NRXN3: variants seen among roughly 807,000 people sequenced by gnomAD.
The protein encoded by NRXN3 is neurexin 3, also known as neurexin III.
In NRXN3, 32 loss-of-function variants were observed where a neutral mutation model predicts 137.6. That is an observed-to-expected ratio of 0.23 (90% CI 0.18 to 0.31). NRXN3 has a LOEUF of 0.31. NRXN3 is among the 10% of genes least tolerant of loss of function. The probability of loss-of-function intolerance (pLI) is 1.00; values close to 1 mark genes in which losing one functional copy is unlikely to be tolerated. For missense variants in NRXN3, 1,574 were observed against 2,062.5 expected (o/e 0.76, Z 4.59); for synonymous variants, 798 against 784.5 (o/e 1.02, Z -0.29).
At chr14:79,737,526 A>G (rs2098946226) in intron 19 of NRXN3, among the ~76,000 whole-genome samples, 1 of 152,208 alleles carries the variant, frequency 6.6e-6, no homozygotes, top group South Asian at 2.1e-4. Flanking sequence ...TGCCTAAGAT[A>G]CTATGTCTCA....
intron 16 of NRXN3, among the ~76,000 whole-genome samples, chr14:79,622,003 A>G (rs949587064): frequency 6.6e-6 from 1 of 152,212 alleles, no homozygotes; most frequent in African/African-American, 2.4e-5. Context: ...TCTGTCAACA[A>G]CTTTAGAGGC....
chr14:78,966,171 T>G lies in NRXN3; in HGVS notation c.2542T>G (p.Leu848Val). 6.2e-7 allele frequency: 1 copy of G among 1,614,192 alleles called. No homozygotes were observed. Among genetic ancestry groups the G allele is most frequent in the Non-Finnish European group, 8.5e-7 (1 of 1,180,026 alleles). The part of the protein sequence containing the change: ...LMFNGLLYID[L>V]CKNGDIDYCE... The stretch of plus-strand genomic sequence containing the variant: ...GTTTAATGGCCTTCTCTACATTGAC[T>G]TGTGCAAAAATGGTGACATTGATTA... Residue 848 changes from leucine to valine, a missense_variant, in exon 12 of 21, where the codon TTG becomes GTG. Coordinates refer to ENST00000335750, the MANE Select transcript of NRXN3 (RefSeq NM_001330195.2).
intron 4 of NRXN3, among the ~76,000 whole-genome samples, chr14:78,352,511 T>C (rs2083677592): frequency 6.6e-6 from 1 of 152,162 alleles, no homozygotes; most frequent in African/African-American, 2.4e-5. Flanking sequence ...GAGCCCACCA[T>C]GACCCCTGGT....
intron 2 of NRXN3, among the ~76,000 whole-genome samples, chr14:78,255,124 G>A (rs1048835256): frequency 6.9e-5 from 10 of 145,550 alleles, no homozygotes; most frequent in East Asian, 2.0e-4. Context: ...AGTCTTGGCC[G>A]TCAGCCATCT....
chr14:79,661,485 G>A (rs1163450843), intron 16 of NRXN3, among the ~76,000 whole-genome samples: 21 of 152,074 alleles, frequency 1.4e-4, no homozygotes, highest in Non-Finnish European at 1.2e-4. Context: ...GTGATAAATG[G>A]AAACTTGAGG....
At chr14:79,648,877 C>T (rs1464900067) in intron 16 of NRXN3, among the ~76,000 whole-genome samples, 4 of 152,156 alleles carry the variant, frequency 2.6e-5, no homozygotes, top group Non-Finnish European at 5.9e-5. Flanking sequence ...AAGCATCATG[C>T]TGTCTGTTAA....
In NRXN3 at chr14:79,864,104, C is replaced by T. The variant is rs956648884; in HGVS notation, c.*2140C>T. On this transcript the variant is annotated 3_prime_UTR_variant, in exon 21 of 21. Coordinates refer to ENST00000335750, the MANE Select transcript of NRXN3 (RefSeq NM_001330195.2). Reference sequence around the variant, plus strand: ...AGCCTATACGAAGTTGATTATATCTCGATGTCTGTAAAAGATTGCTGTTCT... The same window carrying T: ...AGCCTATACGAAGTTGATTATATCTTGATGTCTGTAAAAGATTGCTGTTCT... The T allele has an allele frequency of 2.6e-5, 4 of 152,524 alleles. No homozygotes were observed. Among genetic ancestry groups the T allele is most frequent in the Non-Finnish European group, 4.4e-5 (3 of 68,008 alleles). 9.4% of individuals were successfully genotyped at this position (152,524 alleles called of 1,614,324 possible). A position where few individuals can be genotyped will look rare whatever the true frequency, so the allele number is the denominator to read the frequency against.
chr14:78,173,121 G>T (rs2058895078), intron 1 of NRXN3, among the ~76,000 whole-genome samples: 4 of 152,066 alleles, frequency 2.6e-5, no homozygotes, highest in Non-Finnish European at 4.4e-5. Context: ...GGGGATGAGA[G>T]AATGGTGGGA....
intron 8 of NRXN3, among the ~76,000 whole-genome samples, chr14:78,749,181 A>G (rs528819728): frequency 2.4e-4 from 36 of 152,326 alleles, no homozygotes; most frequent in African/African-American, 7.7e-4. Context: ...TCCTGGCTCT[A>G]CTGTGGGCCT....
At chr14:78,401,898 A>G (rs2092103608) in intron 4 of NRXN3, among the ~76,000 whole-genome samples, 1 of 152,230 alleles carries the variant, frequency 6.6e-6, no homozygotes. Context: ...TGCCTTGACT[A>G]GATCAAACTA....
At chr14:79,129,983 A>G (rs1233530761) in intron 15 of NRXN3, among the ~76,000 whole-genome samples, 1 of 150,316 alleles carries the variant, frequency 6.7e-6, no homozygotes, top group Non-Finnish European at 1.5e-5. Context: ...CTGTTTTATC[A>G]GAGACTAGGA....
intron 16 of NRXN3, among the ~76,000 whole-genome samples, chr14:79,528,697 A>G (rs1275970120): frequency 6.6e-6 from 1 of 152,112 alleles, no homozygotes; most frequent in Non-Finnish European, 1.5e-5. Context: ...CTAAGACTAG[A>G]AAATTATTTA....
At chr14:78,831,792 T>G (rs1485562951) in intron 10 of NRXN3, among the ~76,000 whole-genome samples, 1 of 152,100 alleles carries the variant, frequency 6.6e-6, no homozygotes, top group African/African-American at 2.4e-5. Context: ...GTCGATAAAA[T>G]TGTTCTGTCT....
chr14:79,562,584 C>A (rs1034544022), intron 16 of NRXN3, among the ~76,000 whole-genome samples: 1 of 152,142 alleles, frequency 6.6e-6, no homozygotes, highest in Non-Finnish European at 1.5e-5. Context: ...AGTTTTACAC[C>A]TACATCCCTA....
At chr14:79,123,209 G>A (rs2055766238) in intron 15 of NRXN3, among the ~76,000 whole-genome samples, 1 of 151,936 alleles carries the variant, frequency 6.6e-6, no homozygotes, top group Non-Finnish European at 1.5e-5. Context: ...TTCTATGGCT[G>A]TGTGTGCGTG....
chr14:78,352,553 T>C (rs1026050647), intron 4 of NRXN3, among the ~76,000 whole-genome samples: 1 of 152,192 alleles, frequency 6.6e-6, no homozygotes, highest in Admixed American at 6.5e-5. Context: ...CTGGGCTGTT[T>C]ATTGGCGGGG....
intron 19 of NRXN3, among the ~76,000 whole-genome samples, chr14:79,768,936 A>C (rs1156370934): frequency 6.6e-6 from 1 of 151,564 alleles, no homozygotes; most frequent in African/African-American, 2.4e-5. Context: ...AAAGGAGCTG[A>C]TGGAGCTGAA....
intron 4 of NRXN3, among the ~76,000 whole-genome samples, chr14:78,351,095 C>A (rs1055956101): frequency 6.6e-6 from 1 of 152,170 alleles, no homozygotes; most frequent in African/African-American, 2.4e-5. Flanking sequence ...ATGTTAGTCT[C>A]ATAGTTAAGT....
At chr14:79,435,746 T>C (rs2095837584) in intron 15 of NRXN3, among the ~76,000 whole-genome samples, 1 of 152,086 alleles carries the variant, frequency 6.6e-6, no homozygotes, top group Admixed American at 6.5e-5. Flanking sequence ...GCTATCCTCC[T>C]GCCACAGCCT....
Sources: gnomAD v4.1 joint callset for allele counts (sites outside exome capture counted in the v4.1 genomes callset) on GRCh38, gnomAD v4.1.1 for gene constraint, MANE v1.5 for transcripts, NCBI Gene and HGNC (gene_info 2026-07-23, HGNC 2026-07-21) for gene names.